The following CPZ variants were observed in gnomAD, a reference collection of about 807,000 sequenced individuals.
The protein encoded by CPZ is carboxypeptidase Z.
A neutral mutation model predicts 61.8 loss-of-function variants in CPZ; 103 were observed. That is an observed-to-expected ratio of 1.67 (90% CI 1.42 to 1.96). The LOEUF is 1.96. Ranked by LOEUF, CPZ falls within the 30% of genes most tolerant of loss-of-function variation. The probability of loss-of-function intolerance (pLI) is 0.00; values close to 1 mark genes in which losing one functional copy is unlikely to be tolerated. For missense variants in CPZ, 1,461 were observed against 914.9 expected (o/e 1.60, Z -7.70); for synonymous variants, 551 against 373.7 (o/e 1.47, Z -5.47).
At chr4:8,610,771 T>G (rs1323212118) in intron 7 of CPZ, among the ~76,000 whole-genome samples, 5 of 152,174 alleles carry the variant, frequency 3.3e-5, no homozygotes, top group African/African-American at 1.2e-4. Context: ...TGGTCCATGG[T>G]CTGCCACCCT....
At position 8,592,891 on chromosome 4, in the gene CPZ, CCGGG is replaced by C; in HGVS notation, c.59_62del (p.Pro20ArgfsTer62). On this transcript the variant is annotated frameshift_variant, in exon 1 of 11. Transcript: ENST00000360986. LOFTEE classifies it high-confidence loss of function. ...AGTCCTGGTCGTCGCCGCTGCCCGGCCGGGGTGCGAGTTTGAGCGGAACCCCGCC... is the reference window on the plus strand; with the variant it reads ...AGTCCTGGTCGTCGCCGCTGCCCGGCGTGCGAGTTTGAGCGGAACCCCGCC... The C allele has an allele frequency of 6.5e-7, 1 of 1,534,440 alleles. No homozygotes were observed. The highest frequency in any genetic ancestry group is 8.7e-7 in the Non-Finnish European group (1 of 1,144,048).
At chr4:8,606,282 T>A in intron 5 of CPZ, 97 bp downstream of exon 5, 1 of 1,242,314 alleles carries the variant, frequency 8.0e-7, no homozygotes, top group Non-Finnish European at 1.1e-6. Flanking sequence ...GCTTCGTTCC[T>A]GCCTCTCTAG....
chr4:8,596,019 ACTTCCAGC>A (rs61611882), intron 1 of CPZ, among the ~76,000 whole-genome samples: 55,220 of 150,582 alleles, frequency 0.37, 10,980 homozygotes, highest in African/African-American at 0.52. Context: ...AGACCTGCAG[ACTTCCAGC>A]CTTCCAGCCT....
intron 9 of CPZ, among the ~76,000 whole-genome samples, chr4:8,616,546 G>C (rs1310024396): frequency 3.3e-5 from 5 of 152,208 alleles, no homozygotes; most frequent in Admixed American, 6.5e-5. Flanking sequence ...AGTGTGGCTG[G>C]TCATCAGGGA....
At chr4:8,613,682 CAAG>C (rs1291795137) in intron 8 of CPZ, among the ~76,000 whole-genome samples, 2 of 152,214 alleles carry the variant, frequency 1.3e-5, no homozygotes, top group Non-Finnish European at 2.9e-5. Flanking sequence ...TTCTGCTGAA[CAAG>C]AAGCTCCAAG....
intron 9 of CPZ, among the ~76,000 whole-genome samples, chr4:8,616,992 G>A (rs757793006): frequency 2.0e-5 from 3 of 152,198 alleles, no homozygotes; most frequent in Non-Finnish European, 4.4e-5. Flanking sequence ...CGAGATCCCT[G>A]TGGCACAGAG....
At chr4:8,610,967 A>G (rs1715603048) in intron 7 of CPZ, among the ~76,000 whole-genome samples, 1 of 152,082 alleles carries the variant, frequency 6.6e-6, no homozygotes, top group African/African-American at 2.4e-5. Flanking sequence ...GCCTGGAGCA[A>G]TCACTCATTC....
At chr4:8,612,186 T>TGGCGGGG (rs1715760749) in intron 8 of CPZ, 24 bp downstream of exon 8, 1 of 179,708 alleles carries the variant, frequency 5.6e-6, no homozygotes, top group Non-Finnish European at 7.5e-6. Flanking sequence ...AGGGCGGGAC[T>TGGCGGGG]GGGCGGGGGG....
chr4:8,595,485 C>T (rs1714110691), intron 1 of CPZ, among the ~76,000 whole-genome samples: 1 of 152,218 alleles, frequency 6.6e-6, no homozygotes, highest in Non-Finnish European at 1.5e-5. Context: ...TTTGGGTCAG[C>T]AGGCCCACCC....
At chr4:8,596,448 G>A (rs571695304) in intron 1 of CPZ, among the ~76,000 whole-genome samples, 19 of 152,358 alleles carry the variant, frequency 1.2e-4, no homozygotes, top group Admixed American at 3.9e-4. Context: ...GCCAGTGGAA[G>A]TGGGGGTGAC....
Position 8,606,100 on chromosome 4 carries a change from C to G in CPZ, c.821C>G (p.Pro274Arg). 1 of 1,614,162 alleles carries G rather than the reference C, an allele frequency of 6.2e-7. No homozygotes were observed. Among genetic ancestry groups the G allele is most frequent in the Non-Finnish European group, 8.5e-7 (1 of 1,180,018 alleles). Residue 274 changes from proline to arginine, a missense_variant, in exon 5 of 11, where the codon CCC becomes CGC. Pro to Arg is a moderately radical substitution (Grantham distance 103). Coordinates refer to ENST00000360986, the MANE Select transcript of CPZ (RefSeq NM_001014447.3). ...YLCSEYLLGN[P>R]RIQRLLNTTR... ...TGCTCTGAGTACCTGCTTGGTAACC[C>G]CCGCATCCAGCGCCTGCTCAACACC... is the stretch of plus-strand genomic sequence containing the variant.
chr4:8,611,304 C>G (rs1157468144), intron 7 of CPZ: 1 of 456,036 alleles, frequency 2.2e-6, no homozygotes, highest in Admixed American at 2.3e-5. Flanking sequence ...CCAGAGCCCC[C>G]ACAAAGGAGG....
At chr4:8,594,678 A>T (rs140370171) in intron 1 of CPZ, among the ~76,000 whole-genome samples, 248 of 152,370 alleles carry the variant, frequency 1.6e-3, no homozygotes, top group South Asian at 9.1e-3. Context: ...GCTGTCCAAC[A>T]GAAACACAAA....
intron 1 of CPZ, among the ~76,000 whole-genome samples, chr4:8,595,314 C>A (rs376846348): frequency 4.6e-5 from 7 of 152,214 alleles, no homozygotes; most frequent in African/African-American, 1.7e-4. Flanking sequence ...GCTTTCACCC[C>A]ACTGTGCGTT....
intron 8 of CPZ, among the ~76,000 whole-genome samples, chr4:8,613,164 GCT>G (rs1715858840): frequency 7.1e-6 from 1 of 141,660 alleles, no homozygotes; most frequent in African/African-American, 2.7e-5. Context: ...ACGGAGTCTC[GCT>G]CTGTCACCAG....
chr4:8,616,152 T>G (rs1052503169), intron 9 of CPZ, among the ~76,000 whole-genome samples: 2 of 152,202 alleles, frequency 1.3e-5, no homozygotes, highest in African/African-American at 4.8e-5. Flanking sequence ...GGCTGGCTCT[T>G]GAGACGGACG....
At chr4:8,610,151 C>T (rs1715530403) in intron 7 of CPZ, among the ~76,000 whole-genome samples, 1 of 152,208 alleles carries the variant, frequency 6.6e-6, no homozygotes, top group South Asian at 2.1e-4. Flanking sequence ...GCTGGGTTTC[C>T]CACGGTCCTC....
chr4:8,611,610 G>T (rs1210147061), intron 7 of CPZ, among the ~76,000 whole-genome samples: 1 of 152,200 alleles, frequency 6.6e-6, no homozygotes, highest in Non-Finnish European at 1.5e-5. Context: ...TGGCTTTGGA[G>T]ATGAAGTCGG....
chr4:8,599,146 G>A (rs1714386322), intron 1 of CPZ, among the ~76,000 whole-genome samples: 1 of 152,260 alleles, frequency 6.6e-6, no homozygotes. Flanking sequence ...TTCTGTCCTG[G>A]ACATCAGGCT....
Sources: allele counts gnomAD v4.1 joint callset (sites outside exome capture counted in the v4.1 genomes callset), GRCh38; gene constraint gnomAD v4.1.1; transcripts MANE v1.5; gene names NCBI Gene and HGNC (gene_info 2026-07-23, HGNC 2026-07-21).